BRINP2: variants seen among roughly 807,000 people sequenced by gnomAD.
BRINP2 encodes BMP/retinoic acid inducible neural specific 2.
Under a neutral mutation model 69.2 loss-of-function variants are expected in BRINP2, and 21 were observed. The ratio of observed to expected loss-of-function variants is 0.30; its 90% CI spans 0.22 to 0.44. The LOEUF (loss-of-function observed/expected upper bound fraction) is 0.44. Ranked by LOEUF, BRINP2 falls within the 20% of genes least tolerant of loss-of-function variation. BRINP2 has a pLI of 1.00. For missense variants in BRINP2, 877 were observed against 986.0 expected, an observed-to-expected ratio of 0.89 and a Z score of 1.48; for synonymous variants, 380 against 394.1, an observed-to-expected ratio of 0.96 and a Z score of 0.42.
At chr1:177,273,399 G>T (rs1445268877) in intron 4 of BRINP2, 89 bp from the exon 5 acceptor site, 8 of 800,346 alleles carry the variant, frequency 1.0e-5, no homozygotes, top group South Asian at 1.9e-5. Flanking sequence ...ACAGGATGTG[G>T]AACCTGAGAT....
chr1:177,251,074 T>C (rs1383970934), intron 2 of BRINP2, among the ~76,000 whole-genome samples: 1 of 152,228 alleles, frequency 6.6e-6, no homozygotes, highest in Non-Finnish European at 1.5e-5. Flanking sequence ...CCTTAGACAG[T>C]ATCATTCCTT....
At chr1:177,232,300 C>T (rs1009018614) in intron 2 of BRINP2, among the ~76,000 whole-genome samples, 1 of 152,208 alleles carries the variant, frequency 6.6e-6, no homozygotes, top group South Asian at 2.1e-4. Context: ...AGTTGGCCCA[C>T]GGGGAGTGTC....
At chr1:177,235,615 C>T (rs946225705) in intron 2 of BRINP2, among the ~76,000 whole-genome samples, 4 of 152,150 alleles carry the variant, frequency 2.6e-5, no homozygotes, top group Admixed American at 6.5e-5. Flanking sequence ...ATTTATCATC[C>T]GGACCACGTC....
chr1:177,276,327 C>T lies in BRINP2; in HGVS notation c.905C>T (p.Thr302Ile). ...GACTGCTGGTGCAAGTGCAGCCCCA[C>T]CTTCCCTGAATGCAACTGCCCTGAT... ...ENDCWCKCSP[T>I]FPECNCPDAD... The change falls in exon 6 of 8, where the codon ACC becomes ATC. Residue 302 changes from threonine (T) to isoleucine (I), a missense_variant. Thr to Ile is a moderately conservative substitution (Grantham distance 89). This residue lies in a region of BRINP2 where 566 missense variants were observed against 625.2 expected (regional missense o/e 0.91). Coordinates refer to ENST00000361539, the MANE Select transcript of BRINP2 (RefSeq NM_021165.4). 6.2e-7 allele frequency: 1 copy of T among 1,614,230 alleles called. No individual in the cohort carries two copies. Among genetic ancestry groups the T allele is most frequent in the Non-Finnish European group, 8.5e-7 (1 of 1,180,042 alleles).
rs561295902 is a variant in BRINP2 at position 177,205,593 on chromosome 1, C to T, written c.-76-24208C>T. Among the ~76,000 whole-genome samples, 3 of 152,332 alleles carry T rather than the reference C, an allele frequency of 2.0e-5. No homozygotes were observed. The East Asian group carries it at 5.8e-4, about 29-fold the overall frequency. On this transcript the variant is annotated intron_variant, in intron 1 of 7. Coordinates refer to ENST00000361539, the MANE Select transcript of BRINP2 (RefSeq NM_021165.4). ...ACACAAGCCTTCCCATTGCTACTTC[C>T]CTAAATGTGTGGATTTAGCAGGCTG...
intron 1 of BRINP2, among the ~76,000 whole-genome samples, chr1:177,202,810 T>C (rs1402070056): frequency 6.6e-6 from 1 of 152,118 alleles, no homozygotes; most frequent in African/African-American, 2.4e-5. Flanking sequence ...TGGCGATCAT[T>C]AAAAAGTCAG....
At chr1:177,235,548 G>A (rs1207107141) in intron 2 of BRINP2, among the ~76,000 whole-genome samples, 2 of 152,196 alleles carry the variant, frequency 1.3e-5, no homozygotes, top group Non-Finnish European at 2.9e-5. Flanking sequence ...GGGAGATGGG[G>A]AAGTGAGGAG....
At chr1:177,217,000 T>C (rs972575617) in intron 1 of BRINP2, among the ~76,000 whole-genome samples, 1 of 152,064 alleles carries the variant, frequency 6.6e-6, no homozygotes, top group Non-Finnish European at 1.5e-5. Context: ...GTTAGAGTTT[T>C]ATTGCTGACC....
chr1:177,269,454 G>C (rs1036600532), intron 4 of BRINP2, among the ~76,000 whole-genome samples: 1 of 152,208 alleles, frequency 6.6e-6, no homozygotes, highest in African/African-American at 2.4e-5. Flanking sequence ...AGGACTTGGT[G>C]GGGAGGGCTT....
intron 1 of BRINP2, 55 bp from the exon 2 acceptor site, chr1:177,229,746 C>A (rs946417710): frequency 1.6e-6 from 2 of 1,280,266 alleles, no homozygotes; most frequent in Admixed American, 5.6e-5. Context: ...GTGATGCTCA[C>A]AGGCCCATGG....
intron 5 of BRINP2, among the ~76,000 whole-genome samples, chr1:177,274,166 T>C (rs983591175): frequency 6.6e-6 from 1 of 152,112 alleles, no homozygotes; most frequent in African/African-American, 2.4e-5. Context: ...AGACTTTTGA[T>C]CTGAGACAGA....
intron 5 of BRINP2, chr1:177,275,016 G>T: frequency 2.4e-6 from 1 of 425,360 alleles, no homozygotes; most frequent in Non-Finnish European, 4.8e-6. Flanking sequence ...AGAGCTGGCA[G>T]ACGTTTGAGG....
intron 1 of BRINP2, among the ~76,000 whole-genome samples, chr1:177,215,300 G>GA: frequency 6.6e-6 from 1 of 152,214 alleles, no homozygotes; most frequent in East Asian, 1.9e-4. Context: ...ATGACATTGG[G>GA]ATTCTGATAG....
chr1:177,271,921 A>G (rs1651341347), intron 4 of BRINP2, among the ~76,000 whole-genome samples: 1 of 152,156 alleles, frequency 6.6e-6, no homozygotes, highest in Non-Finnish European at 1.5e-5. Flanking sequence ...GTTTTTGCTC[A>G]GCATCACACA....
chr1:177,266,951 CT>C (rs1054524846), intron 4 of BRINP2, among the ~76,000 whole-genome samples: 5 of 152,026 alleles, frequency 3.3e-5, no homozygotes, highest in African/African-American at 1.2e-4. Context: ...CTATGAGGTC[CT>C]TGTGGAAGAG....
intron 2 of BRINP2, among the ~76,000 whole-genome samples, chr1:177,234,423 T>A (rs1197384112): frequency 6.6e-6 from 1 of 152,228 alleles, no homozygotes; most frequent in Non-Finnish European, 1.5e-5. Flanking sequence ...GATGCAAATG[T>A]AAATATGGTT....
At chr1:177,258,615 G>A (rs1459621977) in intron 4 of BRINP2, among the ~76,000 whole-genome samples, 2 of 152,200 alleles carry the variant, frequency 1.3e-5, no homozygotes, top group Non-Finnish European at 2.9e-5. Flanking sequence ...GCAACGCTGT[G>A]TCAAACAAGT....
intron 1 of BRINP2, among the ~76,000 whole-genome samples, chr1:177,194,136 C>A (rs1007258284): frequency 6.6e-6 from 1 of 152,154 alleles, no homozygotes; most frequent in Non-Finnish European, 1.5e-5. Context: ...TTGTTTGTAT[C>A]ATGTAGAAAG....
At position 177,229,984 on chromosome 1, in the gene BRINP2, C is replaced by A; in HGVS notation, c.108C>A (p.Ala36=). ...GLPGWVLAVS[A]TAAAVVPEQH... ...CTGGCTGGGTGTTGGCTGTCTCAGC[C>A]ACGGCGGCTGCTGTGGTCCCCGAGC... The change falls in exon 2 of 8, where the codon GCC becomes GCA. Residue 36 remains alanine, a synonymous_variant. Coordinates refer to ENST00000361539, the MANE Select transcript of BRINP2 (RefSeq NM_021165.4). The A allele has an allele frequency of 6.2e-7, 1 of 1,613,370 alleles. No individual in the cohort carries two copies. Among genetic ancestry groups the A allele is most frequent in the Admixed American group, 1.7e-5 (1 of 59,990 alleles).
Sources: allele counts gnomAD v4.1 joint callset (sites outside exome capture counted in the v4.1 genomes callset), GRCh38; gene constraint gnomAD v4.1.1; regional missense constraint gnomAD v4.1.1; transcripts MANE v1.5; gene names NCBI Gene and HGNC (gene_info 2026-07-23, HGNC 2026-07-21).